Variants in PCP4 observed in about 807,000 individuals in gnomAD.
PCP4 encodes Purkinje cell protein 4.
Under a neutral mutation model 10.0 loss-of-function variants are expected in PCP4, and 8 were observed. That is an observed-to-expected ratio of 0.80 (90% CI 0.47 to 1.45). The LOEUF (loss-of-function observed/expected upper bound fraction) is 1.45. Among genes scored for constraint, PCP4 ranks in the 40% most tolerant of loss-of-function variants. PCP4 has a pLI of 0.00. For synonymous variants in PCP4, 21 were observed against 23.0 expected, an observed-to-expected ratio of 0.91 and a Z score of 0.24; for missense variants, 54 against 74.4, an observed-to-expected ratio of 0.73 and a Z score of 1.01.
chr21:39,927,282 C>T (rs2087626416), intron 2 of PCP4, among the ~76,000 whole-genome samples: 1 of 74,674 alleles, frequency 1.3e-5, no homozygotes, highest in South Asian at 4.4e-4. Context: ...TCTCTCTGAT[C>T]TATCTATCTA....
intron 1 of PCP4, among the ~76,000 whole-genome samples, chr21:39,878,477 G>T (rs1362263132): frequency 2.0e-5 from 3 of 152,142 alleles, no homozygotes; most frequent in African/African-American, 7.2e-5. Context: ...GATAAAAATT[G>T]CTTTAAACAT....
At chr21:39,873,069 TC>T (rs2087328430) in intron 1 of PCP4, among the ~76,000 whole-genome samples, 1 of 152,158 alleles carries the variant, frequency 6.6e-6, no homozygotes, top group Non-Finnish European at 1.5e-5. Context: ...ATCCTATGTT[TC>T]CCTGTTGTCT....
chr21:39,889,052 G>A (rs1457494603), intron 1 of PCP4, among the ~76,000 whole-genome samples: 2 of 152,206 alleles, frequency 1.3e-5, no homozygotes, highest in South Asian at 2.1e-4. Flanking sequence ...CCATCCCTGC[G>A]TGGCTTGATC....
chr21:39,898,393 A>ATG (rs1430943656), intron 1 of PCP4, 83 bp from the exon 2 acceptor site: 1 of 1,054,830 alleles, frequency 9.5e-7, no homozygotes, highest in South Asian at 1.3e-5. Flanking sequence ...AATGCAAGAG[A>ATG]TGTTTGCAAC....
chr21:39,910,345 C>G (rs950941891), intron 2 of PCP4, among the ~76,000 whole-genome samples: 1 of 152,130 alleles, frequency 6.6e-6, no homozygotes, highest in Admixed American at 6.5e-5. Context: ...GGCTAATCAT[C>G]GTGGGACCAT....
chr21:39,880,397 T>G (rs1001628894), intron 1 of PCP4, among the ~76,000 whole-genome samples: 1 of 152,284 alleles, frequency 6.6e-6, no homozygotes, highest in Middle Eastern at 3.4e-3. Flanking sequence ...GATGATGAAG[T>G]AATAAAATGG....
chr21:39,867,738 C>T (rs981667055), intron 1 of PCP4, among the ~76,000 whole-genome samples: 9 of 152,188 alleles, frequency 5.9e-5, no homozygotes, highest in Non-Finnish European at 4.4e-5. Flanking sequence ...GAAAGGTTTG[C>T]TTTCTGATTG....
chr21:39,873,114 T>C (rs558901197), intron 1 of PCP4, among the ~76,000 whole-genome samples: 1 of 152,208 alleles, frequency 6.6e-6, no homozygotes, highest in Non-Finnish European at 1.5e-5. Context: ...ATAAGCTCAA[T>C]GAAACTCAAG....
At chr21:39,897,031 C>T (rs1230311880) in intron 1 of PCP4, among the ~76,000 whole-genome samples, 2 of 152,080 alleles carry the variant, frequency 1.3e-5, no homozygotes, top group Admixed American at 6.5e-5. Context: ...TTGACTCTGC[C>T]ACTCATTAGC....
intron 2 of PCP4, among the ~76,000 whole-genome samples, chr21:39,899,529 C>A (rs1030556527): frequency 2.0e-5 from 3 of 152,156 alleles, no homozygotes; most frequent in African/African-American, 4.8e-5. Flanking sequence ...TGTTGCTCTG[C>A]GTCTGCAGCC....
chr21:39,882,506 T>C (rs976205048), intron 1 of PCP4, among the ~76,000 whole-genome samples: 5 of 152,248 alleles, frequency 3.3e-5, no homozygotes, highest in African/African-American at 9.6e-5. Flanking sequence ...AAAGAAAAGA[T>C]GTGTCTTTCT....
intron 2 of PCP4, among the ~76,000 whole-genome samples, chr21:39,924,563 G>A (rs1378411055): frequency 6.6e-6 from 1 of 152,040 alleles, no homozygotes; most frequent in Non-Finnish European, 1.5e-5. Flanking sequence ...GTTTGAGACA[G>A]GTCTCACTCT....
chr21:39,868,199 CT>C (rs1370707090), intron 1 of PCP4, among the ~76,000 whole-genome samples: 1 of 152,178 alleles, frequency 6.6e-6, no homozygotes, highest in Admixed American at 6.5e-5. Context: ...TCATCTTCTC[CT>C]TTTTTCTCAT....
chr21:39,897,513 C>T (rs989418743), intron 1 of PCP4, among the ~76,000 whole-genome samples: 6 of 151,976 alleles, frequency 3.9e-5, no homozygotes, highest in Non-Finnish European at 8.8e-5. Flanking sequence ...ACTAGAACCA[C>T]GTTAAGCTTT....
chr21:39,908,863 T>A (rs1471630577), intron 2 of PCP4, among the ~76,000 whole-genome samples: 1 of 152,184 alleles, frequency 6.6e-6, no homozygotes, highest in Non-Finnish European at 1.5e-5. Context: ...CTGCTTTCAT[T>A]CAGGTCCCTC....
intron 2 of PCP4, among the ~76,000 whole-genome samples, chr21:39,920,334 T>C (rs1216319198): frequency 6.8e-6 from 1 of 147,028 alleles, no homozygotes; most frequent in African/African-American, 2.5e-5. Flanking sequence ...GATGTGTGTG[T>C]GGTATGTGTG....
intron 1 of PCP4, among the ~76,000 whole-genome samples, chr21:39,891,387 G>A (rs568786571): frequency 6.8e-4 from 104 of 152,312 alleles, no homozygotes; most frequent in African/African-American, 2.2e-3. Context: ...ATCAACCCAG[G>A]CAGATGCAAG....
At chr21:39,888,285 C>T (rs1327842534) in intron 1 of PCP4, among the ~76,000 whole-genome samples, 1 of 152,194 alleles carries the variant, frequency 6.6e-6, no homozygotes, top group African/African-American at 2.4e-5. Flanking sequence ...TAGACAGGGG[C>T]CAACAGAAGT....
In PCP4 at chr21:39,903,696, G is replaced by A. The variant is rs553466605; in HGVS notation, c.61+5169G>A. ...ATCCTGGCTAACACGGTGAAACCCC[G>A]TCTCTACTAAAAATACAAAAAATTA... On this transcript the variant is annotated intron_variant, in intron 2 of 2. Transcript: ENST00000328619. Among the ~76,000 whole-genome samples, 25 of 151,228 alleles carry A rather than the reference G, an allele frequency of 1.7e-4. No individual in the cohort carries two copies. The East Asian group carries it at 3.9e-3, about 24-fold the overall frequency.
Sources: gnomAD v4.1 joint callset for allele counts (sites outside exome capture counted in the v4.1 genomes callset) on GRCh38, gnomAD v4.1.1 for gene constraint, MANE v1.5 for transcripts, NCBI Gene and HGNC (gene_info 2026-07-23, HGNC 2026-07-21) for gene names.